MED12L: variants seen among roughly 807,000 people sequenced by gnomAD.
The protein encoded by MED12L is mediator complex subunit 12L.
MED12L carries 60 observed loss-of-function variants against 281.3 expected under a neutral mutation model. The ratio of observed to expected loss-of-function variants is 0.21; its 90% confidence interval spans 0.17 to 0.26. The LOEUF (loss-of-function observed/expected upper bound fraction) is 0.26, where lower values mean the gene tolerates loss of function less well. MED12L is among the 10% of genes least tolerant of loss of function. The pLI is 1.00. For synonymous variants in MED12L, 974 were observed against 987.2 expected, an observed-to-expected ratio of 0.99 and a Z score of 0.25; for missense variants, 2,146 against 2,680.9, an observed-to-expected ratio of 0.80 and a Z score of 4.41.
At chr3:151,358,041 T>C (rs1754139863) in intron 20 of MED12L, among the ~76,000 whole-genome samples, 1 of 152,188 alleles carries the variant, frequency 6.6e-6, no homozygotes, top group Admixed American at 6.5e-5. Context: ...CAACCTGTTA[T>C]TTCTTTCTCT....
At chr3:151,323,951 C>G (rs1560027877) in intron 16 of MED12L, among the ~76,000 whole-genome samples, 1 of 152,226 alleles carries the variant, frequency 6.6e-6, no homozygotes, top group African/African-American at 2.4e-5. Flanking sequence ...TGAGACTTCT[C>G]TCTTCCCCTC....
chr3:151,091,088 C>G (rs940619209), intron 2 of MED12L, among the ~76,000 whole-genome samples: 1 of 151,808 alleles, frequency 6.6e-6, no homozygotes, highest in Admixed American at 6.6e-5. Context: ...AAAAAGAGGC[C>G]GAAACATTTG....
chr3:151,375,970 C>CATATATATATATATATATATATATAT (rs148538586), intron 27 of MED12L, 56 bp from the exon 28 acceptor site: 257 of 812,838 alleles, frequency 3.2e-4, no homozygotes, highest in Middle Eastern at 1.3e-3. Flanking sequence ...GTACATATTG[C>CATATATATATATATATATATATATAT]ATATATATAT....
intron 43 of MED12L, among the ~76,000 whole-genome samples, chr3:151,423,217 A>G (rs934317745): frequency 6.6e-6 from 1 of 151,600 alleles, no homozygotes; most frequent in African/African-American, 2.4e-5. Flanking sequence ...GTTCTGGGGT[A>G]CATGTGCAGA....
chr3:151,132,596 C>CT (rs1715554825), intron 5 of MED12L, among the ~76,000 whole-genome samples: 1 of 152,078 alleles, frequency 6.6e-6, no homozygotes, highest in South Asian at 2.1e-4. Context: ...AAGGTGGTGT[C>CT]TATCGGATTT....
chr3:151,196,425 A>G (rs1724669519), intron 16 of MED12L, among the ~76,000 whole-genome samples: 7 of 152,198 alleles, frequency 4.6e-5, no homozygotes, highest in Admixed American at 3.3e-4. Flanking sequence ...TGAGGAGACT[A>G]TAAAAATATG....
intron 2 of MED12L, among the ~76,000 whole-genome samples, chr3:151,103,211 T>G (rs1160230758): frequency 1.3e-5 from 2 of 152,158 alleles, no homozygotes; most frequent in African/African-American, 4.8e-5. Flanking sequence ...ATCTAAAAGT[T>G]CAAGTATTTT....
chr3:151,233,283 A>G (rs1418092887), intron 16 of MED12L, among the ~76,000 whole-genome samples: 2 of 152,140 alleles, frequency 1.3e-5, no homozygotes, highest in Non-Finnish European at 2.9e-5. Context: ...TCTTATTCTC[A>G]TCACATTCTG....
At chr3:151,168,943 A>C (rs1292866447) in intron 11 of MED12L, among the ~76,000 whole-genome samples, 1 of 152,106 alleles carries the variant, frequency 6.6e-6, no homozygotes, top group East Asian at 1.9e-4. Context: ...GGACTCTCAA[A>C]GTGCTGGGAG....
At chr3:151,268,103 A>G (rs1470385081) in intron 16 of MED12L, among the ~76,000 whole-genome samples, 3 of 152,118 alleles carry the variant, frequency 2.0e-5, no homozygotes, top group Non-Finnish European at 4.4e-5. Context: ...AACAGTGGGA[A>G]TACTTCTTTT....
intron 16 of MED12L, among the ~76,000 whole-genome samples, chr3:151,243,766 A>G (rs1250590599): frequency 6.6e-6 from 1 of 151,880 alleles, no homozygotes; most frequent in Non-Finnish European, 1.5e-5. Flanking sequence ...ACACATAACA[A>G]TATTAACTTT....
intron 11 of MED12L, among the ~76,000 whole-genome samples, chr3:151,166,363 G>T (rs781048499): frequency 9.2e-5 from 14 of 152,024 alleles, no homozygotes; most frequent in Non-Finnish European, 1.2e-4. Flanking sequence ...AATACCCGTG[G>T]TCATGATCTT....
At chr3:151,122,413 A>G (rs1355609251) in intron 3 of MED12L, among the ~76,000 whole-genome samples, 1 of 152,226 alleles carries the variant, frequency 6.6e-6, no homozygotes, top group Non-Finnish European at 1.5e-5. Flanking sequence ...TTCTCCTCTC[A>G]GGGAAAGCAT....
At chr3:151,317,070 A>G (rs973651787) in intron 16 of MED12L, 2 of 152,078 alleles carry the variant, frequency 1.3e-5, no homozygotes, top group Admixed American at 6.5e-5. Flanking sequence ...TCCTATTGCT[A>G]TCTAGAAAAC....
At chr3:151,152,153 G>A (rs1718635425) in intron 5 of MED12L, among the ~76,000 whole-genome samples, 1 of 128,276 alleles carries the variant, frequency 7.8e-6, no homozygotes, top group Non-Finnish European at 1.6e-5. Flanking sequence ...AGGCTGGAGT[G>A]CAGTAGAGCA....
chr3:151,375,996 CT>C, intron 27 of MED12L, 29 bp from the exon 28 acceptor site: 1 of 1,245,532 alleles, frequency 8.0e-7, no homozygotes, highest in Non-Finnish European at 1.1e-6. Flanking sequence ...AAGCCAGTGC[CT>C]GTCAATCTAA....
At chr3:151,230,832 G>A (rs967174341) in intron 16 of MED12L, among the ~76,000 whole-genome samples, 1 of 152,098 alleles carries the variant, frequency 6.6e-6, no homozygotes, top group African/African-American at 2.4e-5. Context: ...CAGAAGTAGT[G>A]ACTTCCCACT....
At chr3:151,194,164 A>G (rs1724345402) in intron 16 of MED12L, among the ~76,000 whole-genome samples, 1 of 151,358 alleles carries the variant, frequency 6.6e-6, no homozygotes, top group East Asian at 1.9e-4. Context: ...ACAGGTTTTC[A>G]CCATTTTGGG....
At position 151,106,308 on chromosome 3, in the gene MED12L, TCTCCCCTCCCCTCCC is replaced by T. The variant is rs1172007791; in HGVS notation, c.100-10007_100-9993del. Reference sequence around the variant, plus strand: ...TTTTCCTTTTCCTTTTCCTTTTCCTTCTCCCCTCCCCTCCCCTCCCCTCCCCTCCCCTCCCCTTTC... The same window carrying T: ...TTTTCCTTTTCCTTTTCCTTTTCCTTCTCCCCTCCCCTCCCCTCCCCTTTC... On this transcript the variant is annotated intron_variant, in intron 2 of 44. Transcript: ENST00000687756. 1.9e-3 allele frequency among the ~76,000 whole-genome samples: 141 copies of T among 75,962 alleles called. 3 individuals are homozygous for T. Among genetic ancestry groups the T allele is most frequent in the African/African-American group, 6.4e-3 (105 of 16,300 alleles). 49.8% of individuals were successfully genotyped at this position (75,962 alleles called of 152,430 possible). A position where few individuals can be genotyped will look rare whatever the true frequency, so the allele number is the denominator to read the frequency against.
Sources: allele counts gnomAD v4.1 joint callset (sites outside exome capture counted in the v4.1 genomes callset), GRCh38; gene constraint gnomAD v4.1.1; transcripts MANE v1.5; gene names NCBI Gene and HGNC (gene_info 2026-07-23, HGNC 2026-07-21).